SEPTIN10: variants seen among roughly 807,000 people sequenced by gnomAD.
SEPTIN10 encodes the protein septin-10.
In SEPTIN10, 66 loss-of-function variants were observed where a neutral mutation model predicts 54.8. The observed-to-expected ratio is 1.21, with a 90% CI of 0.99 to 1.48. SEPTIN10 has a LOEUF of 1.48. Ranked by LOEUF, SEPTIN10 falls within the 40% of genes most tolerant of loss-of-function variation. SEPTIN10 has a pLI of 0.00. For synonymous variants in SEPTIN10, 161 were observed against 181.0 expected, an observed-to-expected ratio of 0.89 and a Z score of 0.89; for missense variants, 620 against 545.6, an observed-to-expected ratio of 1.14 and a Z score of -1.36.
chr2:109,543,142 A>G lies in SEPTIN10; in HGVS notation c.*1167T>C, dbSNP rs1680376944. 6.6e-6 allele frequency: 1 copy of G among 152,622 alleles called. No individual in the cohort carries two copies. Among genetic ancestry groups the G allele is most frequent in the African/African-American group, 2.4e-5 (1 of 41,444 alleles). 9.5% of individuals were successfully genotyped at this position (152,622 alleles called of 1,614,324 possible). A position where few individuals can be genotyped will look rare whatever the true frequency, so the allele number is the denominator to read the frequency against. On this transcript the variant is annotated 3_prime_UTR_variant, in exon 11 of 11. Transcript: ENST00000397712. ...CAGTAAGGCACTGAATGCAAATACC[A>G]CCTGAAATATGAATTATGTGCATTT... is the stretch of plus-strand genomic sequence containing the variant.
In SEPTIN10 at chr2:109,551,892, G is replaced by A. The variant is rs142009634; in HGVS notation, c.1161+1195C>T. Among the ~76,000 whole-genome samples the A allele has an allele frequency of 3.7e-3, 556 of 152,308 alleles. 3 individuals are homozygous for A. Among genetic ancestry groups the A allele is most frequent in the African/African-American group, 0.013 (545 of 41,576 alleles). On this transcript the variant is annotated intron_variant, in intron 9 of 10. Coordinates refer to ENST00000397712, the MANE Select transcript of SEPTIN10 (RefSeq NM_144710.5). ...GCAAACAAAACTACAGAAGTTCAGTGATTTTTTTGGTGCCAGGGCTACCCC... is the reference window on the plus strand; with the variant it reads ...GCAAACAAAACTACAGAAGTTCAGTAATTTTTTTGGTGCCAGGGCTACCCC...
chr2:109,591,649 T>G (rs1694091193), intron 2 of SEPTIN10, among the ~76,000 whole-genome samples: 2 of 152,044 alleles, frequency 1.3e-5, no homozygotes, highest in African/African-American at 4.8e-5. Context: ...GTAATCCAAG[T>G]GCTTTGGGAG....
chr2:109,551,201 A>T (rs1221808139), intron 9 of SEPTIN10, among the ~76,000 whole-genome samples: 1 of 152,258 alleles, frequency 6.6e-6, no homozygotes, highest in Non-Finnish European at 1.5e-5. Context: ...CTATTATCTA[A>T]GCACACATCA....
chr2:109,565,853 A>G lies in SEPTIN10; in HGVS notation c.769T>C (p.Leu257=), dbSNP rs61999358. ...ATACTTCCCACAACAGCAAACGGCA[A>G]CTGTCCCTGAAAAAGAATATCGAGC... ...AKVNAAMNGQ[L]PFAVVGSMDE... The change falls in exon 7 of 11, where the codon TTG becomes CTG. Residue 257 remains leucine (L), a synonymous_variant. Transcript: ENST00000397712. The G allele has an allele frequency of 1.6e-4, 254 of 1,614,010 alleles. No individual in the cohort carries two copies. The African/African-American group carries it at 3.1e-3, about 20-fold the overall frequency.
At chr2:109,602,647 C>A (rs143997322) in intron 1 of SEPTIN10, among the ~76,000 whole-genome samples, 3,302 of 149,746 alleles carry the variant, frequency 0.022, 47 homozygotes, top group Non-Finnish European at 0.034. Flanking sequence ...TGCACTCCAG[C>A]CTGGGCAACA....
At chr2:109,570,712 T>C (rs1688167267) in intron 5 of SEPTIN10, among the ~76,000 whole-genome samples, 1 of 151,704 alleles carries the variant, frequency 6.6e-6, no homozygotes, top group South Asian at 2.1e-4. Flanking sequence ...TTAGTAGAGA[T>C]GGGGTTTCAC....
intron 1 of SEPTIN10, among the ~76,000 whole-genome samples, chr2:109,599,062 T>C (rs1021012697): frequency 6.6e-6 from 1 of 152,084 alleles, no homozygotes; most frequent in African/African-American, 2.4e-5. Context: ...AGGTTAACAG[T>C]GATCTAAAAT....
intron 4 of SEPTIN10, among the ~76,000 whole-genome samples, chr2:109,583,834 T>A (rs550383640): frequency 6.6e-6 from 1 of 152,286 alleles, no homozygotes; most frequent in African/African-American, 2.4e-5. Context: ...AAGTCTTTTG[T>A]ACCAACATGG....
chr2:109,613,018 C>T, intron 1 of SEPTIN10: 1 of 509,206 alleles, frequency 2.0e-6, no homozygotes, highest in Admixed American at 2.3e-5. Flanking sequence ...AGATGAAAAC[C>T]ACCAATGTTT....
intron 1 of SEPTIN10, among the ~76,000 whole-genome samples, chr2:109,599,043 TA>T (rs2106103931): frequency 6.6e-6 from 1 of 152,266 alleles, no homozygotes; most frequent in South Asian, 2.1e-4. Context: ...CAAGTTAAAA[TA>T]AAGTTACAGG....
Position 109,544,023 on chromosome 2 carries a change from A to C in SEPTIN10, c.*286T>G. 4 of 830,142 alleles carry C rather than the reference A, an allele frequency of 4.8e-6. No homozygotes were observed. Among genetic ancestry groups the C allele is most frequent in the Non-Finnish European group, 5.6e-6 (3 of 538,686 alleles). 51.4% of individuals were successfully genotyped at this position (830,142 alleles called of 1,614,324 possible). On this transcript the variant is annotated 3_prime_UTR_variant, in exon 11 of 11. Coordinates refer to ENST00000397712, the MANE Select transcript of SEPTIN10 (RefSeq NM_144710.5). ...CAGAAAGCAAAGGTGTCGGGTGGGGAATTTTCCACTTGTGGGGTCAAGTCA... is the reference window on the plus strand; with the variant it reads ...CAGAAAGCAAAGGTGTCGGGTGGGGCATTTTCCACTTGTGGGGTCAAGTCA...
At chr2:109,574,792 T>C (rs1689283527) in intron 4 of SEPTIN10, 25 bp from the exon 5 acceptor site, 4 of 1,515,704 alleles carry the variant, frequency 2.6e-6, no homozygotes, top group Non-Finnish European at 3.6e-6. Flanking sequence ...AAATGTTTAA[T>C]ACAACATTAT....
chr2:109,593,350 C>T (rs1694533334), intron 1 of SEPTIN10, among the ~76,000 whole-genome samples: 2 of 150,684 alleles, frequency 1.3e-5, no homozygotes. Flanking sequence ...AATATACTTG[C>T]ACACAAAAAA....
chr2:109,564,084 G>A (rs903095568), intron 8 of SEPTIN10: 2 of 329,204 alleles, frequency 6.1e-6, no homozygotes, highest in Non-Finnish European at 1.1e-5. Context: ...TTTTCCTTCA[G>A]TTACTCATGT....
intron 4 of SEPTIN10, among the ~76,000 whole-genome samples, chr2:109,576,138 A>G (rs1689629673): frequency 6.6e-6 from 1 of 152,188 alleles, no homozygotes; most frequent in South Asian, 2.1e-4. Flanking sequence ...TGAGGTGCCT[A>G]TAGTCCTAGC....
rs145806887 is a variant in SEPTIN10, at chr2:109,604,607, G to A, written c.30+9191C>T. Among the ~76,000 whole-genome samples the A allele has an allele frequency of 3.7e-3, 563 of 151,384 alleles. 5 individuals are homozygous for A. Among genetic ancestry groups the A allele is most frequent in the African/African-American group, 0.013 (519 of 41,244 alleles). On this transcript the variant is annotated intron_variant, in intron 1 of 10. Transcript: ENST00000397712. The stretch of plus-strand genomic sequence containing the variant: ...CCAGGCATGGTGGCGGGTGCCTGTA[G>A]TCCCAGGTACTCAAGAGGCTGAGGC...
chr2:109,557,639 T>C lies in SEPTIN10; in HGVS notation c.1029-4420A>G, dbSNP rs72824786. Among the ~76,000 whole-genome samples the C allele has an allele frequency of 3.1e-3, 478 of 152,242 alleles. 10 individuals carry two copies. The highest frequency in any genetic ancestry group is 1.3e-3 in the Non-Finnish European group (91 of 68,024). ...CTTTCCAACTTCTGACAATGTAAAC[T>C]TACAAGGCCAATTTCAAGTAAAGAA... On this transcript the variant is annotated intron_variant, in intron 8 of 10. Transcript: ENST00000397712.
chr2:109,578,251 TTG>T (rs1244720310), intron 4 of SEPTIN10, among the ~76,000 whole-genome samples: 1 of 152,156 alleles, frequency 6.6e-6, no homozygotes, highest in Non-Finnish European at 1.5e-5. Flanking sequence ...CATTGTCAGA[TTG>T]TGTTTTAAAA....
chr2:109,590,762 C>T (rs28639612), intron 2 of SEPTIN10, among the ~76,000 whole-genome samples: 2,723 of 152,236 alleles, frequency 0.018, 76 homozygotes, highest in African/African-American at 0.061. Context: ...CTGGGCACTT[C>T]CTGGCCAAAG....
Sources: gnomAD v4.1 joint callset for allele counts (sites outside exome capture counted in the v4.1 genomes callset) on GRCh38, gnomAD v4.1.1 for gene constraint, MANE v1.5 for transcripts, NCBI Gene and HGNC (gene_info 2026-07-23, HGNC 2026-07-21) for gene names.